The following GRIK3 variants were observed in gnomAD, a reference collection of about 807,000 sequenced individuals.
GRIK3 encodes the protein glutamate receptor ionotropic, kainate 3.
GRIK3 carries 29 observed loss-of-function variants against 102.5 expected under a neutral mutation model. The observed-to-expected ratio is 0.28, with a 90% CI of 0.21 to 0.39. GRIK3 has a LOEUF of 0.39. GRIK3 is among the 10% of genes least tolerant of loss of function. The probability of loss-of-function intolerance (pLI) is 1.00; values close to 1 mark genes in which losing one functional copy is unlikely to be tolerated. For missense variants in GRIK3, 908 were observed against 1,252.4 expected, an observed-to-expected ratio of 0.73 and a Z score of 4.15; for synonymous variants, 511 against 504.9, an observed-to-expected ratio of 1.01 and a Z score of -0.16.
chr1:36,970,519 A>G (rs944166768), intron 1 of GRIK3, among the ~76,000 whole-genome samples: 2 of 152,226 alleles, frequency 1.3e-5, no homozygotes, highest in South Asian at 2.1e-4. Flanking sequence ...TGGCACAAAA[A>G]TTGTACTCAG....
At chr1:36,910,146 T>G (rs2124294152) in intron 1 of GRIK3, among the ~76,000 whole-genome samples, 1 of 152,262 alleles carries the variant, frequency 6.6e-6, no homozygotes, top group Admixed American at 6.5e-5. Flanking sequence ...TGGCCCAGAG[T>G]GCAGTGAGCC....
At position 36,798,631 on chromosome 1, in the gene GRIK3, GGAGAGACAGA is replaced by G. The variant is rs1642397169; in HGVS notation, c.*3210_*3219del. ...ATGTAGCATCATTTTCAGTGCCCCGGGAGAGACAGAGCTCATGCTTGGGCAGCTGTGGTCC... is the reference window on the plus strand; with the variant it reads ...ATGTAGCATCATTTTCAGTGCCCCGGGCTCATGCTTGGGCAGCTGTGGTCC... On this transcript the variant is annotated 3_prime_UTR_variant, in exon 16 of 16. Coordinates refer to ENST00000373091, the MANE Select transcript of GRIK3 (RefSeq NM_000831.4). 6.6e-6 allele frequency: 1 copy of G among 152,244 alleles called. No individual in the cohort carries two copies. Among genetic ancestry groups the G allele is most frequent in the African/African-American group, 2.4e-5 (1 of 41,450 alleles). The allele number at this position is 152,244 out of a possible 1,614,324, so 9.4% of individuals were successfully genotyped here.
chr1:36,996,812 C>G (rs920471401), intron 1 of GRIK3, among the ~76,000 whole-genome samples: 1 of 152,176 alleles, frequency 6.6e-6, no homozygotes, highest in Admixed American at 6.5e-5. Flanking sequence ...CTCCGCATAT[C>G]CAAGGATGTT....
chr1:36,861,903 C>A (rs972246363), intron 5 of GRIK3, among the ~76,000 whole-genome samples: 1 of 152,032 alleles, frequency 6.6e-6, no homozygotes, highest in African/African-American at 2.4e-5. Context: ...TCTGAGATGG[C>A]CAGAGGGTGT....
chr1:36,877,327 C>G (rs1640921543), intron 3 of GRIK3, among the ~76,000 whole-genome samples: 2 of 152,194 alleles, frequency 1.3e-5, no homozygotes, highest in Admixed American at 6.5e-5. Flanking sequence ...TTCTTCTCTT[C>G]CATTCTGGCC....
intron 1 of GRIK3, among the ~76,000 whole-genome samples, chr1:36,971,495 A>G (rs189086068): frequency 8.4e-4 from 128 of 152,226 alleles, no homozygotes; most frequent in Non-Finnish European, 1.4e-3. Flanking sequence ...TACTTAACAC[A>G]CTTAGAGTTG....
At chr1:36,858,379 C>T (rs1640677685) in intron 7 of GRIK3, among the ~76,000 whole-genome samples, 1 of 152,176 alleles carries the variant, frequency 6.6e-6, no homozygotes, top group Non-Finnish European at 1.5e-5. Flanking sequence ...CTTAATTTTC[C>T]CCATCCATAA....
At chr1:36,985,860 C>A (rs1171120316) in intron 1 of GRIK3, among the ~76,000 whole-genome samples, 1 of 152,146 alleles carries the variant, frequency 6.6e-6, no homozygotes, top group African/African-American at 2.4e-5. Flanking sequence ...GGGCCCTTCT[C>A]TGTCCGATCT....
intron 5 of GRIK3, among the ~76,000 whole-genome samples, chr1:36,864,620 C>CA (rs1205784510): frequency 6.6e-6 from 1 of 152,190 alleles, no homozygotes; most frequent in African/African-American, 2.4e-5. Context: ...CCAGAGGCAG[C>CA]ATTTGGTCTG....
intron 2 of GRIK3, among the ~76,000 whole-genome samples, chr1:36,886,044 C>T (rs1641033423): frequency 1.3e-5 from 2 of 152,204 alleles, no homozygotes; most frequent in Admixed American, 1.3e-4. Context: ...CAATTCCAGG[C>T]CCACTCCGGT....
chr1:36,859,436 T>C (rs1463127040), intron 6 of GRIK3, among the ~76,000 whole-genome samples, 185 bp from the exon 7 acceptor site: 1 of 152,196 alleles, frequency 6.6e-6, no homozygotes, highest in Non-Finnish European at 1.5e-5. Flanking sequence ...CTGACTCTGC[T>C]GCTCTACAAA....
chr1:36,982,976 G>A (rs970906342), intron 1 of GRIK3, among the ~76,000 whole-genome samples: 30 of 152,312 alleles, frequency 2.0e-4, no homozygotes, highest in Admixed American at 9.2e-4. Context: ...TCTCAAGAGC[G>A]AGCCCTGGCC....
At chr1:36,881,681 A>G (rs1640980015) in intron 2 of GRIK3, among the ~76,000 whole-genome samples, 1 of 152,068 alleles carries the variant, frequency 6.6e-6, no homozygotes, top group African/African-American at 2.4e-5. Flanking sequence ...CCTCCTGTCT[A>G]TTCTGCACTC....
chr1:36,861,161 C>G (rs186167155), intron 5 of GRIK3, among the ~76,000 whole-genome samples: 20 of 152,330 alleles, frequency 1.3e-4, no homozygotes, highest in African/African-American at 4.8e-4. Context: ...CTTGAGTCAG[C>G]TTTTCCATCC....
chr1:36,841,703 C>T, intron 10 of GRIK3, 33 bp downstream of exon 10: 2 of 1,574,258 alleles, frequency 1.3e-6, no homozygotes, highest in East Asian at 2.2e-5. Flanking sequence ...TCCCCAGGGT[C>T]CTGAGCCCTC....
chr1:37,030,075 A>G (rs1014723866), intron 1 of GRIK3, among the ~76,000 whole-genome samples: 1 of 152,252 alleles, frequency 6.6e-6, no homozygotes, highest in South Asian at 2.1e-4. Context: ...GAAGGAGGAA[A>G]GCTGGGGCTA....
chr1:36,998,454 T>C lies in GRIK3; in HGVS notation c.115+35540A>G, dbSNP rs539263728. Reference sequence around the variant, plus strand: ...CCATGTCTAGTTGACTCTGTATCTCTAGCATCAGCCAAGGGTATAGACACA... The same window carrying C: ...CCATGTCTAGTTGACTCTGTATCTCCAGCATCAGCCAAGGGTATAGACACA... On this transcript the variant is annotated intron_variant, in intron 1 of 15. Coordinates refer to ENST00000373091, the MANE Select transcript of GRIK3 (RefSeq NM_000831.4). 7.4e-4 allele frequency among the ~76,000 whole-genome samples: 113 copies of C among 152,342 alleles called. 1 individual carries two copies. Among genetic ancestry groups the C allele is most frequent in the Non-Finnish European group, 1.3e-3 (89 of 68,034 alleles).
chr1:36,913,865 T>C (rs987217400), intron 1 of GRIK3, among the ~76,000 whole-genome samples: 6 of 152,192 alleles, frequency 3.9e-5, no homozygotes, highest in Non-Finnish European at 8.8e-5. Flanking sequence ...CTGCAGGTTC[T>C]ACCTTCCTCT....
At chr1:36,934,084 C>G (rs950051687) in intron 1 of GRIK3, among the ~76,000 whole-genome samples, 5 of 152,202 alleles carry the variant, frequency 3.3e-5, no homozygotes, top group Admixed American at 3.3e-4. Flanking sequence ...CTTCCAATGT[C>G]TCTTCTGTCT....
Sources: gnomAD v4.1 joint callset for allele counts (sites outside exome capture counted in the v4.1 genomes callset) on GRCh38, gnomAD v4.1.1 for gene constraint, MANE v1.5 for transcripts, NCBI Gene and HGNC (gene_info 2026-07-23, HGNC 2026-07-21) for gene names.